The following DNAJC1 variants were observed in gnomAD, a reference collection of about 807,000 sequenced individuals.
DNAJC1 encodes DnaJ heat shock protein family (Hsp40) member C1.
Under a neutral mutation model 76.6 loss-of-function variants are expected in DNAJC1, and 58 were observed. That is an observed-to-expected ratio of 0.76 (90% CI 0.61 to 0.94). The LOEUF is 0.94. DNAJC1 is among the 40% of genes least tolerant of loss of function. DNAJC1 has a pLI of 0.00. For missense variants in DNAJC1, 689 were observed against 677.3 expected, an observed-to-expected ratio of 1.02 and a Z score of -0.19; for synonymous variants, 258 against 267.9, an observed-to-expected ratio of 0.96 and a Z score of 0.36.
intron 9 of DNAJC1, among the ~76,000 whole-genome samples, chr10:21,793,982 A>G (rs1188265936): frequency 6.6e-6 from 1 of 152,080 alleles, no homozygotes; most frequent in Non-Finnish European, 1.5e-5. Context: ...ATAAATAAAT[A>G]AAACAATTCT....
rs188864756 is a variant in DNAJC1 at position 21,880,587 on chromosome 10, C to T, written c.978+1695G>A. On this transcript the variant is annotated intron_variant, in intron 8 of 11. Transcript: ENST00000376980. ...CAGAGCTCTTGGGTGACTAGGTACACTGTCAATCAGCAGTAATATTTTGAA... is the reference window on the plus strand; with the variant it reads ...CAGAGCTCTTGGGTGACTAGGTACATTGTCAATCAGCAGTAATATTTTGAA... 2.6e-5 allele frequency among the ~76,000 whole-genome samples: 4 copies of T among 152,276 alleles called. No individual in the cohort carries two copies. The East Asian group carries it at 7.7e-4, about 29-fold the overall frequency.
intron 8 of DNAJC1, among the ~76,000 whole-genome samples, chr10:21,848,247 T>C (rs1358470353): frequency 1.3e-5 from 2 of 152,202 alleles, no homozygotes; most frequent in African/African-American, 4.8e-5. Context: ...TGTTGGCCAT[T>C]TCTATGCCTT....
At chr10:21,857,257 T>C (rs769695601) in intron 8 of DNAJC1, among the ~76,000 whole-genome samples, 26 of 152,208 alleles carry the variant, frequency 1.7e-4, no homozygotes, top group Non-Finnish European at 2.9e-4. Flanking sequence ...AAAGTCCTTG[T>C]TGAATACTTT....
At chr10:21,896,082 G>A (rs1364995237) in intron 7 of DNAJC1, among the ~76,000 whole-genome samples, 1 of 152,174 alleles carries the variant, frequency 6.6e-6, no homozygotes, top group Non-Finnish European at 1.5e-5. Context: ...ATAGAGCCTT[G>A]GGGCCCAGGC....
chr10:21,907,649 T>C (rs1197119110), intron 6 of DNAJC1, among the ~76,000 whole-genome samples: 2 of 152,094 alleles, frequency 1.3e-5, no homozygotes, highest in East Asian at 1.9e-4. Context: ...CTACTGCATA[T>C]GATTCCAGAG....
intron 1 of DNAJC1, among the ~76,000 whole-genome samples, chr10:21,937,323 C>T (rs1345196943): frequency 6.6e-6 from 1 of 151,888 alleles, no homozygotes; most frequent in Non-Finnish European, 1.5e-5. Flanking sequence ...GGTAGCTATA[C>T]CAATATTAGG....
chr10:21,992,108 C>T lies in DNAJC1; in HGVS notation c.222+11105G>A, dbSNP rs1488901560. On this transcript the variant is annotated intron_variant, in intron 1 of 11. Transcript: ENST00000376980. ...GGCGGATCGCCTGACATCAGGAGTT[C>T]GAGACCAGCCTGACCAATATGGTGA... Among the ~76,000 whole-genome samples the T allele has an allele frequency of 3.3e-5, 5 of 152,150 alleles. No homozygotes were observed. The East Asian group carries it at 5.8e-4, about 18-fold the overall frequency.
intron 1 of DNAJC1, among the ~76,000 whole-genome samples, chr10:21,979,796 T>C (rs1332848936): frequency 6.6e-6 from 1 of 151,996 alleles, no homozygotes; most frequent in African/African-American, 2.4e-5. Context: ...CAAGCTTCTC[T>C]TTCTTACCTA....
chr10:21,797,398 C>T (rs1035585597), intron 9 of DNAJC1, among the ~76,000 whole-genome samples: 2 of 152,108 alleles, frequency 1.3e-5, no homozygotes, highest in Non-Finnish European at 2.9e-5. Flanking sequence ...CAGTTTTATT[C>T]TTCTTTCTCA....
At chr10:21,858,460 A>C (rs1055762416) in intron 8 of DNAJC1, among the ~76,000 whole-genome samples, 1 of 152,242 alleles carries the variant, frequency 6.6e-6, no homozygotes, top group Non-Finnish European at 1.5e-5. Context: ...CAAGCAAATC[A>C]ATCAAATAGT....
At chr10:21,812,231 G>T (rs887618747) in intron 8 of DNAJC1, among the ~76,000 whole-genome samples, 1 of 151,752 alleles carries the variant, frequency 6.6e-6, no homozygotes, top group African/African-American at 2.4e-5. Context: ...GCTAATTTTT[G>T]TATTTTTGGT....
rs1331838208 is a variant in DNAJC1 at position 21,759,664 on chromosome 10, TAAG to T, written c.1148-49_1148-47del. 3 of 1,572,158 alleles carry T rather than the reference TAAG, an allele frequency of 1.9e-6. No individual in the cohort carries two copies. In the Admixed American group the frequency reaches 5.3e-5, roughly 28 times the overall value. Reference sequence around the variant, plus strand: ...CACAGAGGTGAAGGGCAAGGTGAATTAAGGAGACGGTGAGAACAGCAGCTGCCG... The same window carrying T: ...CACAGAGGTGAAGGGCAAGGTGAATTGAGACGGTGAGAACAGCAGCTGCCG... On this transcript the variant is annotated intron_variant, in intron 10 of 11. Transcript: ENST00000376980.
At chr10:21,893,914 C>T (rs1451027158) in intron 7 of DNAJC1, among the ~76,000 whole-genome samples, 2 of 151,650 alleles carry the variant, frequency 1.3e-5, no homozygotes, top group Non-Finnish European at 2.9e-5. Context: ...CAACAACTGG[C>T]GAATCTGACA....
Position 21,820,194 on chromosome 10 carries a change from T to G in DNAJC1, c.979-14095A>C, listed in dbSNP as rs569106585. Among the ~76,000 whole-genome samples, 5 of 152,358 alleles carry G rather than the reference T, an allele frequency of 3.3e-5. No homozygotes were observed. In the East Asian group the frequency reaches 9.6e-4, roughly 29 times the overall value. On this transcript the variant is annotated intron_variant, in intron 8 of 11. Transcript: ENST00000376980. ...TTCATAAAAATGGAATCATATAATA[T>G]GTAGTCTTTTACTTAGCATAATGTT...
chr10:21,844,906 T>C (rs920925947), intron 8 of DNAJC1, among the ~76,000 whole-genome samples: 3 of 152,182 alleles, frequency 2.0e-5, no homozygotes, highest in African/African-American at 7.2e-5. Flanking sequence ...GGTGCCTACC[T>C]GTAGCCCAAG....
At chr10:21,958,480 G>A (rs1346197719) in intron 1 of DNAJC1, among the ~76,000 whole-genome samples, 1 of 151,146 alleles carries the variant, frequency 6.6e-6, no homozygotes, top group Non-Finnish European at 1.5e-5. Context: ...CCAGGCTGGA[G>A]TGCAGTGGCG....
chr10:21,783,206 C>T (rs1231796456), intron 9 of DNAJC1, among the ~76,000 whole-genome samples: 1 of 152,204 alleles, frequency 6.6e-6, no homozygotes, highest in Non-Finnish European at 1.5e-5. Flanking sequence ...AGCAAAGTCT[C>T]AGGATACAAA....
chr10:21,995,118 G>T (rs1487829664), intron 1 of DNAJC1, among the ~76,000 whole-genome samples: 1 of 151,906 alleles, frequency 6.6e-6, no homozygotes, highest in Admixed American at 6.6e-5. Flanking sequence ...TTTTCTAAAA[G>T]TCAGAGGTTT....
intron 9 of DNAJC1, among the ~76,000 whole-genome samples, chr10:21,775,504 T>C (rs185650365): frequency 3.9e-5 from 6 of 152,144 alleles, no homozygotes; most frequent in Admixed American, 1.3e-4. Flanking sequence ...TAATAAGTAG[T>C]GGTCTAATAT....
Sources: allele counts gnomAD v4.1 joint callset (sites outside exome capture counted in the v4.1 genomes callset), GRCh38; gene constraint gnomAD v4.1.1; transcripts MANE v1.5; gene names NCBI Gene and HGNC (gene_info 2026-07-23, HGNC 2026-07-21).